IL1RAPL1: variants seen among roughly 807,000 people sequenced by gnomAD.
IL1RAPL1 encodes the protein interleukin 1 receptor accessory protein like 1.
A neutral mutation model predicts 48.4 loss-of-function variants in IL1RAPL1; 3 were observed. The observed-to-expected ratio is 0.06, with a 90% CI of 0.03 to 0.16. IL1RAPL1 has a LOEUF of 0.16. Among genes scored for constraint, IL1RAPL1 ranks in the 10% least tolerant of loss-of-function variants. The probability of loss-of-function intolerance (pLI) is 1.00; values close to 1 mark genes in which losing one functional copy is unlikely to be tolerated. For missense variants in IL1RAPL1, 349 were observed against 530.6 expected (o/e 0.66, Z 3.36); for synonymous variants, 185 against 187.7 (o/e 0.99, Z 0.12).
intron 2 of IL1RAPL1, among the ~76,000 whole-genome samples, chrX:29,092,739 TTTAAG>T (rs763638791): frequency 1.0e-3 from 112 of 112,274 alleles, no homozygotes; most frequent in African/African-American, 3.3e-3. Context: ...TTTGGCTTAA[TTTAAG>T]TTAAGGAAAG....
intron 2 of IL1RAPL1, among the ~76,000 whole-genome samples, chrX:28,961,318 G>GTATTT (rs773483149): frequency 1.6e-3 from 176 of 110,668 alleles, no homozygotes; most frequent in African/African-American, 5.4e-3. Context: ...TTTTCTCTCT[G>GTATTT]TATTTTATTT....
intron 6 of IL1RAPL1, among the ~76,000 whole-genome samples, chrX:29,809,699 A>G (rs1477678316): frequency 1.8e-5 from 2 of 111,153 alleles, no homozygotes; most frequent in Admixed American, 9.6e-5. Flanking sequence ...CTCCAAACAC[A>G]TAAAACAGAT....
intron 8 of IL1RAPL1, among the ~76,000 whole-genome samples, chrX:29,937,269 A>G (rs1193257768): frequency 3.6e-5 from 4 of 112,228 alleles, no homozygotes; most frequent in African/African-American, 1.3e-4. Flanking sequence ...TGCTGAAATG[A>G]TATCTTTTTA....
At chrX:29,008,264 G>T (rs1266920833) in intron 2 of IL1RAPL1, among the ~76,000 whole-genome samples, 1 of 110,720 alleles carries the variant, frequency 9.0e-6, no homozygotes, top group East Asian at 2.8e-4. Context: ...CCGCCTCCCG[G>T]GTTCACACCA....
intron 3 of IL1RAPL1, chrX:29,369,834 T>G (rs767162808): frequency 8.9e-6 from 1 of 112,026 alleles, no homozygotes; most frequent in East Asian, 2.8e-4. Context: ...TATTCACCTT[T>G]TGCTTTTTAT....
chrX:28,946,297 A>G (rs949508171), intron 2 of IL1RAPL1, among the ~76,000 whole-genome samples: 2 of 108,324 alleles, frequency 1.8e-5, no homozygotes, highest in Non-Finnish European at 3.9e-5. Context: ...ATTTAATATT[A>G]AGCAAAACTC....
intron 3 of IL1RAPL1, among the ~76,000 whole-genome samples, chrX:29,333,282 C>A (rs1369084426): frequency 9.4e-6 from 1 of 106,187 alleles, no homozygotes; most frequent in African/African-American, 3.4e-5. Context: ...GGGGGGCTGA[C>A]CCCCCCCACC....
intron 2 of IL1RAPL1, among the ~76,000 whole-genome samples, chrX:29,198,991 T>C (rs544827642): frequency 8.9e-6 from 1 of 111,969 alleles, no homozygotes; most frequent in Middle Eastern, 4.6e-3. Context: ...AAATTTTGGC[T>C]GCATTCGGGA....
rs774968746 is a variant in IL1RAPL1 at position 28,620,056 on chromosome X, G to T, written c.-25+32009G>T. Among the ~76,000 whole-genome samples, 224 of 110,080 alleles carry T rather than the reference G, an allele frequency of 2.0e-3. 1 individual carries two copies. The highest frequency in any genetic ancestry group is 6.8e-3 in the African/African-American group (206 of 30,293). ...TTCACAATGATAAGTATAACCAAAG[G>T]CTCTGAGAAGTCCTGCAGTTTAAAA... On this transcript the variant is annotated intron_variant, in intron 1 of 10. Transcript: ENST00000378993.
At chrX:29,291,382 C>A (rs184469307) in intron 3 of IL1RAPL1, among the ~76,000 whole-genome samples, 87 of 111,008 alleles carry the variant, frequency 7.8e-4, no homozygotes, top group African/African-American at 2.8e-3. Flanking sequence ...ATTCTTTTCC[C>A]AAGGAGAGTA....
At chrX:28,600,435 T>G (rs1312472079) in intron 1 of IL1RAPL1, among the ~76,000 whole-genome samples, 1 of 105,955 alleles carries the variant, frequency 9.4e-6, no homozygotes, top group East Asian at 3.0e-4. Flanking sequence ...CTGGAGAATT[T>G]ACATAGGACC....
At chrX:29,521,951 G>T (rs145350745) in intron 5 of IL1RAPL1, among the ~76,000 whole-genome samples, 1 of 110,801 alleles carries the variant, frequency 9.0e-6, no homozygotes, top group African/African-American at 3.3e-5. Context: ...TTTTACTGTG[G>T]TGTTCCCTGT....
At chrX:29,905,925 T>C (rs1912437880) in intron 6 of IL1RAPL1, among the ~76,000 whole-genome samples, 1 of 111,172 alleles carries the variant, frequency 9.0e-6, no homozygotes. Context: ...TAAAGAAATG[T>C]TGAGATGAAT....
At chrX:29,767,371 A>G (rs1928940325) in intron 6 of IL1RAPL1, among the ~76,000 whole-genome samples, 2 of 112,195 alleles carry the variant, frequency 1.8e-5, no homozygotes, top group African/African-American at 6.5e-5. Context: ...CTGGCAAGCT[A>G]TTCTCTTAGT....
At chrX:29,004,104 T>C (rs1404072285) in intron 2 of IL1RAPL1, among the ~76,000 whole-genome samples, 4 of 110,750 alleles carry the variant, frequency 3.6e-5, no homozygotes, top group African/African-American at 1.3e-4. Context: ...ATCGCACCAC[T>C]ACATTCCAGC....
intron 6 of IL1RAPL1, among the ~76,000 whole-genome samples, chrX:29,769,805 C>T (rs180863639): frequency 6.3e-4 from 68 of 107,869 alleles, no homozygotes; most frequent in African/African-American, 2.2e-3. Flanking sequence ...TTAGTAGAGT[C>T]GGCGTTTCAC....
intron 6 of IL1RAPL1, among the ~76,000 whole-genome samples, chrX:29,736,751 G>A (rs931691526): frequency 1.8e-5 from 2 of 111,976 alleles, no homozygotes; most frequent in African/African-American, 6.5e-5. Context: ...TGTGACTGGG[G>A]TATCTTTGGT....
intron 2 of IL1RAPL1, among the ~76,000 whole-genome samples, chrX:29,039,109 A>T (rs1458953171): frequency 9.0e-6 from 1 of 111,449 alleles, no homozygotes; most frequent in East Asian, 2.8e-4. Context: ...TTTTGCACTC[A>T]CATTTTGTTC....
At chrX:28,693,067 G>A (rs1291034131) in intron 1 of IL1RAPL1, among the ~76,000 whole-genome samples, 2 of 111,559 alleles carry the variant, frequency 1.8e-5, no homozygotes, top group African/African-American at 6.5e-5. Flanking sequence ...TTAAAACACT[G>A]TGTTTCAATA....
Sources: gnomAD v4.1 joint callset for allele counts (sites outside exome capture counted in the v4.1 genomes callset) on GRCh38, gnomAD v4.1.1 for gene constraint, MANE v1.5 for transcripts, NCBI Gene and HGNC (gene_info 2026-07-23, HGNC 2026-07-21) for gene names.